ACKR2: variants seen among roughly 807,000 people sequenced by gnomAD.
ACKR2 encodes atypical chemokine receptor 2.
For missense variants in ACKR2, 457 were observed against 477.3 expected, an observed-to-expected ratio of 0.96 and a Z score of 0.40; for synonymous variants, 207 against 192.2, an observed-to-expected ratio of 1.08 and a Z score of -0.64.
chr3:42,843,645 C>T (rs902798402), intron 2 of ACKR2, among the ~76,000 whole-genome samples: 1 of 152,134 alleles, frequency 6.6e-6, no homozygotes, highest in African/African-American at 2.4e-5. Flanking sequence ...GTTAATTTTG[C>T]TGGGTGGCTA....
intron 1 of ACKR2, among the ~76,000 whole-genome samples, chr3:42,818,761 C>T (rs1169217746): frequency 2.0e-5 from 3 of 152,072 alleles, no homozygotes; most frequent in Non-Finnish European, 4.4e-5. Flanking sequence ...AAGGTTTCGC[C>T]ATGTTGATCA....
chr3:42,818,319 C>T (rs1575374431), intron 1 of ACKR2, among the ~76,000 whole-genome samples: 3 of 152,284 alleles, frequency 2.0e-5, no homozygotes, highest in African/African-American at 7.2e-5. Flanking sequence ...TGGGTCAATC[C>T]CTGATGCCAC....
Position 42,865,446 on chromosome 3 carries a change from C to T in ACKR2, c.944C>T (p.Ser315Phe), listed in dbSNP as rs754045457. The stretch of plus-strand genomic sequence containing the variant: ...TTTTCCCCCATCCTGTATGCCTTCT[C>T]CAGTCACCGCTTCCGCCAGTACCTG... ...CCFSPILYAF[S>F]SHRFRQYLKA... The change falls in exon 3 of 3, where the codon TCC (serine) becomes TTC (phenylalanine). Residue 315 changes from serine (S) to phenylalanine (F), a missense_variant. Transcript: ENST00000422265. 1.2e-6 allele frequency: 2 copies of T among 1,614,192 alleles called. No individual in the cohort carries two copies.
At chr3:42,844,346 G>A (rs1002016309) in intron 2 of ACKR2, among the ~76,000 whole-genome samples, 2 of 152,112 alleles carry the variant, frequency 1.3e-5, no homozygotes, top group East Asian at 1.9e-4. Flanking sequence ...GGAGAAACTC[G>A]GGGAGACAGT....
rs2088430735 is a variant in ACKR2 at position 42,865,862 on chromosome 3, G to A, written c.*205G>A. The A allele has an allele frequency of 3.7e-6, 2 of 537,350 alleles. No individual in the cohort carries two copies. The highest frequency in any genetic ancestry group is 3.7e-5 in the Admixed American group (1 of 27,136). 33.3% of individuals were successfully genotyped at this position (537,350 alleles called of 1,614,324 possible). ...TCCAGGATACCACGCTTTCTTTTCT[G>A]AATTGCTACAATCTTTCTTCCTTCC... On this transcript the variant is annotated 3_prime_UTR_variant, in exon 3 of 3. Transcript: ENST00000422265.
At chr3:42,862,891 TA>T (rs1393459677) in intron 2 of ACKR2, among the ~76,000 whole-genome samples, 1 of 152,144 alleles carries the variant, frequency 6.6e-6, no homozygotes, top group Non-Finnish European at 1.5e-5. Flanking sequence ...ACATAAGACC[TA>T]AAATCGTAAA....
At chr3:42,845,803 C>T (rs567029629) in intron 2 of ACKR2, among the ~76,000 whole-genome samples, 4 of 143,146 alleles carry the variant, frequency 2.8e-5, no homozygotes, top group Admixed American at 7.2e-5. Flanking sequence ...GAACTGAGAT[C>T]GTGCCACTGC....
intron 2 of ACKR2, among the ~76,000 whole-genome samples, chr3:42,837,185 A>G (rs1346876959): frequency 1.3e-5 from 2 of 152,024 alleles, no homozygotes; most frequent in Non-Finnish European, 2.9e-5. Flanking sequence ...GGCCACTGGT[A>G]TTAAGTCCTG....
intron 1 of ACKR2, among the ~76,000 whole-genome samples, chr3:42,812,046 A>G (rs7634974): frequency 0.97 from 147,231 of 152,248 alleles, 71,389 homozygotes; most frequent in East Asian, 1. Flanking sequence ...GGGCCTGTGC[A>G]GGTCCTCCAT....
intron 2 of ACKR2, among the ~76,000 whole-genome samples, chr3:42,853,579 C>A (rs1701186646): frequency 6.6e-6 from 1 of 152,086 alleles, no homozygotes; most frequent in African/African-American, 2.4e-5. Flanking sequence ...TTACTATTTT[C>A]TTTGAGTGGT....
chr3:42,842,596 G>A (rs1039366749), intron 2 of ACKR2, among the ~76,000 whole-genome samples: 1 of 152,150 alleles, frequency 6.6e-6, no homozygotes, highest in Non-Finnish European at 1.5e-5. Flanking sequence ...CACAGTGTTT[G>A]GGAAAAGCCC....
intron 2 of ACKR2, among the ~76,000 whole-genome samples, chr3:42,845,445 T>A (rs1701083593): frequency 6.6e-6 from 1 of 152,034 alleles, no homozygotes; most frequent in African/African-American, 2.4e-5. Context: ...CACTGTAACC[T>A]CCACCTCCTG....
chr3:42,832,725 T>A (rs530135958), intron 2 of ACKR2, among the ~76,000 whole-genome samples: 2 of 152,214 alleles, frequency 1.3e-5, no homozygotes, highest in African/African-American at 4.8e-5. Flanking sequence ...AGACAGAGTC[T>A]CACTGTCGAC....
At chr3:42,822,724 C>T (rs1171546193) in intron 2 of ACKR2, among the ~76,000 whole-genome samples, 2 of 150,206 alleles carry the variant, frequency 1.3e-5, no homozygotes, top group African/African-American at 2.5e-5. Context: ...TGGTGGTGCA[C>T]GCCTGTAATC....
At chr3:42,828,434 A>G (rs1202706320) in intron 2 of ACKR2, among the ~76,000 whole-genome samples, 1 of 152,124 alleles carries the variant, frequency 6.6e-6, no homozygotes, top group Non-Finnish European at 1.5e-5. Flanking sequence ...TTTTGATTTC[A>G]GATAAGGAAA....
At chr3:42,843,467 G>T (rs539922881) in intron 2 of ACKR2, among the ~76,000 whole-genome samples, 1 of 151,772 alleles carries the variant, frequency 6.6e-6, no homozygotes, top group Non-Finnish European at 1.5e-5. Context: ...TTTTTTTTCA[G>T]GTGTGTGTAT....
intron 2 of ACKR2, among the ~76,000 whole-genome samples, chr3:42,824,275 T>C (rs537809040): frequency 6.6e-6 from 1 of 152,342 alleles, no homozygotes; most frequent in East Asian, 1.9e-4. Context: ...TATTTTTTTA[T>C]TGCTGTATTG....
intron 2 of ACKR2, among the ~76,000 whole-genome samples, chr3:42,854,493 G>A (rs891109798): frequency 3.3e-5 from 5 of 152,094 alleles, no homozygotes; most frequent in African/African-American, 1.2e-4. Flanking sequence ...GGAGTGTGGG[G>A]GGGAAGGGGT....
chr3:42,865,228 C>T lies in ACKR2; in HGVS notation c.726C>T (p.Pro242=), dbSNP rs1345545949. Residue 242 remains proline, a synonymous_variant, in exon 3 of 3, where the codon CCC becomes CCT. Coordinates refer to ENST00000422265, the MANE Select transcript of ACKR2 (RefSeq NM_001296.5). ...GTTGTGTCTTGGTGAGGCTGAGGCCCGCAGGCCAGGGCCGGGCTTTAAAAA... is the reference window on the plus strand; with the variant it reads ...GTTGTGTCTTGGTGAGGCTGAGGCCTGCAGGCCAGGGCCGGGCTTTAAAAA... ...RIGCVLVRLR[P]AGQGRALKIA... is the part of the protein sequence containing the mutation. 5.6e-6 allele frequency: 9 copies of T among 1,614,180 alleles called. No individual in the cohort carries two copies. The highest frequency in any genetic ancestry group is 2.2e-5 in the South Asian group (2 of 91,082).
Sources: gnomAD v4.1 joint callset for allele counts (sites outside exome capture counted in the v4.1 genomes callset) on GRCh38, gnomAD v4.1.1 for gene constraint, MANE v1.5 for transcripts, NCBI Gene and HGNC (gene_info 2026-07-23, HGNC 2026-07-21) for gene names.